The following AGPAT2 variants were observed in gnomAD, a reference collection of about 807,000 sequenced individuals.
AGPAT2 encodes 1-acylglycerol-3-phosphate O-acyltransferase 2, also known as 1-acyl-sn-glycerol-3-phosphate acyltransferase beta.
AGPAT2 carries 18 observed loss-of-function variants against 26.1 expected under a neutral mutation model. The ratio of observed to expected loss-of-function variants is 0.69; its 90% confidence interval spans 0.48 to 1.02. The LOEUF is 1.02. Among genes scored for constraint, AGPAT2 ranks in the 50% least tolerant of loss-of-function variants. AGPAT2 has a pLI of 0.00. For synonymous variants in AGPAT2, 200 were observed against 174.2 expected, an observed-to-expected ratio of 1.15 and a Z score of -1.16; for missense variants, 415 against 394.9, an observed-to-expected ratio of 1.05 and a Z score of -0.43.
In AGPAT2 at chr9:136,673,441, G is replaced by A. The variant is rs1378809787; in HGVS notation, c.*311C>T. 7.3e-6 allele frequency: 2 copies of A among 273,990 alleles called. No individual in the cohort carries two copies. Among genetic ancestry groups the A allele is most frequent in the African/African-American group, 2.2e-5 (1 of 45,584 alleles). 17.0% of individuals were successfully genotyped at this position (273,990 alleles called of 1,614,324 possible). On this transcript the variant is annotated 3_prime_UTR_variant, in exon 6 of 6. Transcript: ENST00000371696. ...CCCATCTGCTCCTGGGCCATCGGGG[G>A]CCTTGTGGCTCAGCCCACCAGCGGG...
chr9:136,687,074 G>GCGGGA, intron 1 of AGPAT2, 102 bp downstream of exon 1: 6 of 1,338,456 alleles, frequency 4.5e-6, no homozygotes, highest in Non-Finnish European at 6.0e-6. Context: ...CCGGAGCGGG[G>GCGGGA]CGGGACGGGC....
chr9:136,677,092 G>C lies in AGPAT2; in HGVS notation c.361C>G (p.Arg121Gly), dbSNP rs369878933. 1.7e-5 allele frequency: 28 copies of C among 1,613,134 alleles called. No individual in the cohort carries two copies. In the South Asian group the frequency reaches 3.0e-4, roughly 17 times the overall value. The change falls in exon 3 of 6, where the codon CGG (arginine) becomes GGG (glycine). Residue 121 changes from arginine (R) to glycine (G), a missense_variant. By Grantham distance (125) the Arg-to-Gly change is moderately radical (BLOSUM62 -2). Coordinates refer to ENST00000371696, the MANE Select transcript of AGPAT2 (RefSeq NM_006412.4). ...LPERCVQIAKRELLFLGPVGL... is the reference protein window; with the variant it reads ...LPERCVQIAKGELLFLGPVGL... The stretch of plus-strand genomic sequence containing the variant: ...ACGGGCCCCAGGAAGAGCAGCTCCC[G>C]CTTGGCGATCTGCACGCAGCGCTCC...
At chr9:136,680,088 T>C (rs1330265395) in intron 1 of AGPAT2, among the ~76,000 whole-genome samples, 3 of 152,190 alleles carry the variant, frequency 2.0e-5, no homozygotes, top group Non-Finnish European at 2.9e-5. Flanking sequence ...TCATCTCCTG[T>C]GAAGGACATG....
intron 1 of AGPAT2, among the ~76,000 whole-genome samples, chr9:136,686,675 C>T (rs1217351583): frequency 6.6e-6 from 1 of 152,226 alleles, no homozygotes; most frequent in Non-Finnish European, 1.5e-5. Flanking sequence ...ACCCGCCCCA[C>T]AGGTGCGCCC....
chr9:136,683,026 G>T (rs1846180855), intron 1 of AGPAT2, among the ~76,000 whole-genome samples: 1 of 121,678 alleles, frequency 8.2e-6, no homozygotes, highest in Non-Finnish European at 1.6e-5. Flanking sequence ...GCCAGGGCAG[G>T]ACCTCCACCA....
Position 136,676,565 on chromosome 9 carries a change from G to T in AGPAT2, c.588+20C>A, listed in dbSNP as rs766583849. On this transcript the variant is annotated intron_variant, in intron 4 of 5. Coordinates refer to ENST00000371696, the MANE Select transcript of AGPAT2 (RefSeq NM_006412.4). ...CCTCCCCAGCCTGCACCCACCCAGGGAGGGCTGGGCTCAGCCTACCTGTGC... is the reference window on the plus strand; with the variant it reads ...CCTCCCCAGCCTGCACCCACCCAGGTAGGGCTGGGCTCAGCCTACCTGTGC... 6.2e-7 allele frequency: 1 copy of T among 1,604,070 alleles called. No individual in the cohort carries two copies. The highest frequency in any genetic ancestry group is 8.5e-7 in the Non-Finnish European group (1 of 1,172,610).
At chr9:136,685,451 A>T (rs1846210109) in intron 1 of AGPAT2, among the ~76,000 whole-genome samples, 1 of 152,222 alleles carries the variant, frequency 6.6e-6, no homozygotes, top group Non-Finnish European at 1.5e-5. Flanking sequence ...TAGGAAGTCC[A>T]GGCAGAGGCC....
At chr9:136,676,127 C>T (rs1026710488) in intron 4 of AGPAT2, among the ~76,000 whole-genome samples, 1 of 152,214 alleles carries the variant, frequency 6.6e-6, no homozygotes, top group East Asian at 1.9e-4. Flanking sequence ...AGTCTGGAGG[C>T]GCTGCTTACA....
At chr9:136,684,543 G>T (rs192732182) in intron 1 of AGPAT2, among the ~76,000 whole-genome samples, 2 of 151,070 alleles carry the variant, frequency 1.3e-5, no homozygotes, top group African/African-American at 2.4e-5. Flanking sequence ...CTTGGGTGCC[G>T]CCTGGAACCC....
In AGPAT2 at chr9:136,677,386, C is replaced by T. The variant is rs367813083; in HGVS notation, c.316+37G>A. The T allele has an allele frequency of 1.7e-4, 282 of 1,612,878 alleles. No homozygotes were observed. The African/African-American group carries it at 3.5e-3, about 20-fold the overall frequency. On this transcript the variant is annotated intron_variant, in intron 2 of 5. Coordinates refer to ENST00000371696, the MANE Select transcript of AGPAT2 (RefSeq NM_006412.4). Reference sequence around the variant, plus strand: ...CACAGCCCCAGCTCAGCCGGCCCCACTCAAACCCCAGAAGCCACCCCCGAG... The same window carrying T: ...CACAGCCCCAGCTCAGCCGGCCCCATTCAAACCCCAGAAGCCACCCCCGAG...
At chr9:136,673,974 CCACCT>C in intron 5 of AGPAT2, 47 bp from the exon 6 acceptor site, 1 of 1,444,660 alleles carries the variant, frequency 6.9e-7, no homozygotes, top group Non-Finnish European at 9.2e-7. Context: ...GAGCTGGGGC[CCACCT>C]CAGCCTGCTG....
At chr9:136,680,938 G>T (rs1048103164) in intron 1 of AGPAT2, among the ~76,000 whole-genome samples, 2 of 152,034 alleles carry the variant, frequency 1.3e-5, no homozygotes, top group African/African-American at 4.8e-5. Flanking sequence ...GTGCTGGGAT[G>T]ACAGGAAGGA....
chr9:136,677,696 A>C, intron 1 of AGPAT2, 140 bp from the exon 2 acceptor site: 1 of 1,038,374 alleles, frequency 9.6e-7, no homozygotes, highest in South Asian at 1.4e-5. Context: ...GACACAGGGG[A>C]GGGAGCCCCT....
intron 1 of AGPAT2, among the ~76,000 whole-genome samples, chr9:136,682,713 A>C (rs1222663060): frequency 6.6e-6 from 1 of 152,138 alleles, no homozygotes; most frequent in Admixed American, 6.5e-5. Flanking sequence ...TGCTGAGGGA[A>C]AGCCCAGGTG....
rs1306320912 is a variant in AGPAT2, at chr9:136,676,657, C to T, written c.516G>A (p.Glu172=). Reference sequence around the variant, plus strand: ...GGTCCCCATTGTCGTTGCGAGTACCCTCGGGATAGATCCACACTTTGAGCT... The same window carrying T: ...GGTCCCCATTGTCGTTGCGAGTACCTTCGGGATAGATCCACACTTTGAGCT... The part of the protein sequence containing the change: ...RENLKVWIYP[E]GTRNDNGDLL... Residue 172 remains glutamate, a synonymous_variant, in exon 4 of 6, where the codon GAG becomes GAA. Transcript: ENST00000371696. 1.9e-6 allele frequency: 3 copies of T among 1,613,532 alleles called. No individual in the cohort carries two copies. Among genetic ancestry groups the T allele is most frequent in the Admixed American group, 1.7e-5 (1 of 60,010 alleles).
At chr9:136,682,861 C>T (rs1376607283) in intron 1 of AGPAT2, among the ~76,000 whole-genome samples, 11 of 152,168 alleles carry the variant, frequency 7.2e-5, no homozygotes, top group Non-Finnish European at 1.6e-4. Flanking sequence ...ACCTGGGCTG[C>T]TCCCACACTC....
chr9:136,674,686 T>C, intron 5 of AGPAT2, 49 bp downstream of exon 5: 1 of 1,324,304 alleles, frequency 7.6e-7, no homozygotes, highest in South Asian at 2.1e-5. Context: ...GCTCCGTGAC[T>C]GTAGGGTCAG....
In AGPAT2 at chr9:136,677,517, G is replaced by A. The variant is rs761832220; in HGVS notation, c.222C>T (p.Tyr74=). ...GGTCCCGCACCTCGAAGCGGAGCCC[G>A]TAAAAGTACTTGAAGCTTCGCACGA... ...GWFVRSFKYF[Y]GLRFEVRDPR... is the part of the protein sequence containing the mutation. The change falls in exon 2 of 6, where the codon TAC becomes TAT. Residue 74 remains tyrosine, a synonymous_variant. Coordinates refer to ENST00000371696, the MANE Select transcript of AGPAT2 (RefSeq NM_006412.4). 15 of 1,612,858 alleles carry A rather than the reference G, an allele frequency of 9.3e-6. No homozygotes were observed. The highest frequency in any genetic ancestry group is 5.0e-5 in the Admixed American group (3 of 60,010).
intron 1 of AGPAT2, among the ~76,000 whole-genome samples, 173 bp from the exon 2 acceptor site, chr9:136,677,729 C>T (rs935345427): frequency 2.0e-5 from 3 of 152,158 alleles, no homozygotes; most frequent in East Asian, 1.9e-4. Context: ...GTCCCGGGCC[C>T]GGCTCACCCA....
Sources: allele counts gnomAD v4.1 joint callset (sites outside exome capture counted in the v4.1 genomes callset), GRCh38; gene constraint gnomAD v4.1.1; transcripts MANE v1.5; gene names NCBI Gene and HGNC (gene_info 2026-07-23, HGNC 2026-07-21).